The following SPATS2L variants were observed in gnomAD, a reference collection of about 807,000 sequenced individuals.
The protein encoded by SPATS2L is spermatogenesis associated serine rich 2 like.
A neutral mutation model predicts 59.6 loss-of-function variants in SPATS2L; 30 were observed. That is an observed-to-expected ratio of 0.50 (90% confidence interval 0.38 to 0.68). The LOEUF (loss-of-function observed/expected upper bound fraction) is 0.68. Ranked by LOEUF, SPATS2L falls within the 30% of genes least tolerant of loss-of-function variation. The pLI, the probability that SPATS2L is intolerant of heterozygous loss-of-function variation, is 0.00. For missense variants in SPATS2L, 615 were observed against 700.0 expected (o/e 0.88, Z 1.37); for synonymous variants, 252 against 263.5 (o/e 0.96, Z 0.42).
intron 3 of SPATS2L, 106 bp downstream of exon 3, chr2:200,389,389 G>A (rs772215863): frequency 6.9e-5 from 51 of 737,948 alleles, no homozygotes; most frequent in Middle Eastern, 4.7e-4. Flanking sequence ...TGGTTTTGGG[G>A]GATACGTAGT....
intron 2 of SPATS2L, among the ~76,000 whole-genome samples, chr2:200,345,401 C>G (rs1315085696): frequency 1.3e-5 from 2 of 151,960 alleles, no homozygotes; most frequent in African/African-American, 4.8e-5. Context: ...TTATATGAGG[C>G]TTTTTGGCTG....
intron 3 of SPATS2L, among the ~76,000 whole-genome samples, chr2:200,398,284 A>G (rs1574392817): frequency 6.6e-6 from 1 of 152,220 alleles, no homozygotes. Context: ...ACATATGTAT[A>G]TATTTAAAAA....
At chr2:200,369,991 A>G (rs1197668745) in intron 2 of SPATS2L, among the ~76,000 whole-genome samples, 2 of 152,236 alleles carry the variant, frequency 1.3e-5, no homozygotes, top group Non-Finnish European at 2.9e-5. Flanking sequence ...AATGTGAGTA[A>G]GAAGGAACTG....
At chr2:200,350,990 A>G (rs6736049) in intron 2 of SPATS2L, among the ~76,000 whole-genome samples, 2,288 of 152,300 alleles carry the variant, frequency 0.015, 29 homozygotes, top group Non-Finnish European at 0.027. Flanking sequence ...CCCTCCACAA[A>G]GATCACACCA....
upstream of SPATS2L, chr2:200,306,255 T>C: frequency 1.3e-5 from 13 of 1,002,382 alleles, no homozygotes; most frequent in Non-Finnish European, 1.6e-5. Flanking sequence ...ATCTCGTATT[T>C]GCAGACAGTG....
chr2:200,398,066 T>C (rs1327278189), intron 3 of SPATS2L, among the ~76,000 whole-genome samples: 1 of 151,718 alleles, frequency 6.6e-6, no homozygotes, highest in Non-Finnish European at 1.5e-5. Flanking sequence ...TGATGAGGAG[T>C]GTTTAGGCCA....
chr2:200,334,465 TTCACTCTGATGG>T (rs1382479092), intron 2 of SPATS2L, among the ~76,000 whole-genome samples: 1 of 151,146 alleles, frequency 6.6e-6, no homozygotes, highest in Non-Finnish European at 1.5e-5. Flanking sequence ...AGGTTGCCTG[TTCACTCTGATGG>T]TAGTTTCTTT....
chr2:200,322,137 A>G (rs2079582179), intron 1 of SPATS2L, among the ~76,000 whole-genome samples: 1 of 152,186 alleles, frequency 6.6e-6, no homozygotes, highest in Non-Finnish European at 1.5e-5. Context: ...GTATTCTTAT[A>G]TGTTTTGGAA....
At chr2:200,454,787 C>T (rs2085721799) in intron 8 of SPATS2L, among the ~76,000 whole-genome samples, 3 of 152,170 alleles carry the variant, frequency 2.0e-5, no homozygotes, top group South Asian at 2.1e-4. Context: ...ATGTAGAACA[C>T]GTTTGACGTG....
At chr2:200,325,265 G>A (rs764862932) in intron 1 of SPATS2L, among the ~76,000 whole-genome samples, 3 of 152,216 alleles carry the variant, frequency 2.0e-5, no homozygotes, top group Non-Finnish European at 2.9e-5. Flanking sequence ...CTCAAATAGA[G>A]CTGCTTTAAT....
At position 200,329,414 on chromosome 2, in the gene SPATS2L, A is replaced by G. The variant is rs2079861533; in HGVS notation, c.-72-17A>G. 6.5e-7 allele frequency: 1 copy of G among 1,550,166 alleles called. No individual in the cohort carries two copies. The highest frequency in any genetic ancestry group is 1.2e-5 in the South Asian group (1 of 84,042). On this transcript the variant is annotated splice_polypyrimidine_tract_variant and intron_variant, in intron 1 of 12. Coordinates refer to ENST00000409140, the MANE Select transcript of SPATS2L (RefSeq NM_001100423.2). ...ATTTGAGACCTGCCTGACTTCCCAA[A>G]TTTCCATTTTTCCTAGAGCTCTTCA...
chr2:200,311,908 T>C (rs1383048089), intron 1 of SPATS2L, among the ~76,000 whole-genome samples: 2 of 152,158 alleles, frequency 1.3e-5, no homozygotes, highest in Admixed American at 6.5e-5. Context: ...AAGATTTCAG[T>C]GTTATTGGGA....
At chr2:200,397,608 GATTT>G (rs1455032208) in intron 3 of SPATS2L, among the ~76,000 whole-genome samples, 5 of 151,574 alleles carry the variant, frequency 3.3e-5, no homozygotes, top group Admixed American at 2.6e-4. Flanking sequence ...GTGGACTTTT[GATTT>G]ATTTGTGTAC....
chr2:200,394,153 T>C (rs2082257227), intron 3 of SPATS2L, among the ~76,000 whole-genome samples: 1 of 152,234 alleles, frequency 6.6e-6, no homozygotes, highest in Admixed American at 6.5e-5. Context: ...AAATTGAAAA[T>C]ATGGTTGCAA....
intron 2 of SPATS2L, among the ~76,000 whole-genome samples, chr2:200,332,562 T>C (rs2079981278): frequency 6.6e-6 from 1 of 152,116 alleles, no homozygotes; most frequent in Non-Finnish European, 1.5e-5. Context: ...TATTTTTTAA[T>C]ACAGTAAAAT....
chr2:200,453,752 C>T (rs1376017619), intron 8 of SPATS2L, among the ~76,000 whole-genome samples: 3 of 152,150 alleles, frequency 2.0e-5, no homozygotes, highest in African/African-American at 4.8e-5. Context: ...CATTAAGAAG[C>T]GGCAGAGCCC....
intron 10 of SPATS2L, among the ~76,000 whole-genome samples, chr2:200,469,340 G>A (rs888485336): frequency 2.6e-5 from 4 of 152,218 alleles, no homozygotes; most frequent in East Asian, 1.9e-4. Flanking sequence ...GGACTGAGTC[G>A]CAGTTATTTC....
intron 2 of SPATS2L, 102 bp from the exon 3 acceptor site, chr2:200,389,121 G>T: frequency 1.4e-6 from 1 of 694,016 alleles, no homozygotes; most frequent in Non-Finnish European, 2.4e-6. Flanking sequence ...TGATATTTAT[G>T]ATTATGACCG....
intron 1 of SPATS2L, among the ~76,000 whole-genome samples, chr2:200,321,706 A>G (rs1214333736): frequency 1.3e-5 from 2 of 152,252 alleles, no homozygotes; most frequent in Admixed American, 1.3e-4. Flanking sequence ...ACAAATTCAA[A>G]GTGAATTACT....
Sources: allele counts gnomAD v4.1 joint callset (sites outside exome capture counted in the v4.1 genomes callset), GRCh38; gene constraint gnomAD v4.1.1; transcripts MANE v1.5; gene names NCBI Gene and HGNC (gene_info 2026-07-23, HGNC 2026-07-21).